RAB3GAP2: variants seen among roughly 807,000 people sequenced by gnomAD.
RAB3GAP2 encodes RAB3 GTPase activating non-catalytic protein subunit 2.
RAB3GAP2 carries 87 observed loss-of-function variants against 185.3 expected under a neutral mutation model. The observed-to-expected ratio is 0.47, with a 90% confidence interval of 0.39 to 0.56. The LOEUF (loss-of-function observed/expected upper bound fraction) is 0.56. Among genes scored for constraint, RAB3GAP2 ranks in the 20% least tolerant of loss-of-function variants. The pLI, the probability that RAB3GAP2 is intolerant of heterozygous loss-of-function variation, is 0.00. For synonymous variants in RAB3GAP2, 554 were observed against 576.1 expected (o/e 0.96, Z 0.55); for missense variants, 1,492 against 1,638.2 (o/e 0.91, Z 1.54).
chr1:220,180,117 G>A (rs1393802118), intron 21 of RAB3GAP2, among the ~76,000 whole-genome samples: 2 of 151,814 alleles, frequency 1.3e-5, no homozygotes, highest in Non-Finnish European at 1.5e-5. Flanking sequence ...AGCCGAGATC[G>A]CACCACTGCA....
In RAB3GAP2 at chr1:220,151,399, T is replaced by C. The variant is rs548997075; in HGVS notation, c.4034A>G (p.Gln1345Arg). 6.2e-7 allele frequency: 1 copy of C among 1,614,182 alleles called. No homozygotes were observed. The highest frequency in any genetic ancestry group is 1.3e-5 in the African/African-American group (1 of 75,058). Reference protein sequence around the residue: ...LCTWLKAMDPQDLQNTEVPIA... With the variant: ...LCTWLKAMDPRDLQNTEVPIA... ...TGGCACTTCAGTGTTTTGAAGGTCCTGGGGGTCCTGCAAATGGGACACAAA... is the reference window on the plus strand; with the variant it reads ...TGGCACTTCAGTGTTTTGAAGGTCCCGGGGGTCCTGCAAATGGGACACAAA... Residue 1345 changes from glutamine (Q) to arginine (R), a missense_variant, in exon 35 of 35, where the codon CAG becomes CGG. Gln to Arg is a conservative substitution (Grantham distance 43, BLOSUM62 1). This residue lies in a region of RAB3GAP2 where 387 missense variants were observed against 455.3 expected (regional missense o/e 0.85). Transcript: ENST00000358951.
At position 220,171,177 on chromosome 1, in the gene RAB3GAP2, G is replaced by C. The variant is rs768807251; in HGVS notation, c.2578-57C>G. ...AAAGATTCTGAATCAATATTAACTT[G>C]AATGAGCTTTTAACTTGAAAGCTGA... On this transcript the variant is annotated intron_variant, in intron 23 of 34. Transcript: ENST00000358951. 8 of 1,483,840 alleles carry C rather than the reference G, an allele frequency of 5.4e-6. No homozygotes were observed. The Admixed American group carries it at 6.8e-5, about 13-fold the overall frequency. 91.9% of individuals were successfully genotyped at this position (1,483,840 alleles called of 1,614,324 possible).
At chr1:220,164,585 G>T in intron 27 of RAB3GAP2, 148 bp downstream of exon 27, 1 of 1,108,950 alleles carries the variant, frequency 9.0e-7, no homozygotes, top group Non-Finnish European at 1.3e-6. Context: ...AGAGACCCTT[G>T]CACCTCAGCC....
Position 220,182,369 on chromosome 1 carries a change from A to G in RAB3GAP2, c.2213-15T>C, listed in dbSNP as rs1418335388. ...AAAGAAACTACCTGGTAGAAGAAAA[A>G]CAAAGCACATTAATCAATGACTACT... On this transcript the variant is annotated splice_polypyrimidine_tract_variant and intron_variant, in intron 20 of 34. Coordinates refer to ENST00000358951, the MANE Select transcript of RAB3GAP2 (RefSeq NM_012414.4). The G allele has an allele frequency of 6.2e-7, 1 of 1,613,894 alleles. No individual in the cohort carries two copies. The highest frequency in any genetic ancestry group is 1.1e-5 in the South Asian group (1 of 91,062).
Position 220,191,059 on chromosome 1 carries a change from G to A in RAB3GAP2, c.1487+9C>T. On this transcript the variant is annotated intron_variant, in intron 14 of 34. Transcript: ENST00000358951. ...TGTAACCAGCACAATGCCAGCATTT[G>A]CAGCTTACCTGCAGTGCTTCCCCAC... The A allele has an allele frequency of 1.2e-6, 2 of 1,608,276 alleles. No homozygotes were observed. The highest frequency in any genetic ancestry group is 8.5e-7 in the Non-Finnish European group (1 of 1,175,316).
Position 220,153,915 on chromosome 1 carries a change from CTTATG to C in RAB3GAP2, c.3645+48_3645+52del, listed in dbSNP as rs1657809211. ...TTTCAAAAGCCAGCTAGATTTTTCC[CTTATG>C]TTTTTTTTTCCAAGAAACAAAAACA... is the stretch of plus-strand genomic sequence containing the variant. On this transcript the variant is annotated intron_variant, in intron 32 of 34. Transcript: ENST00000358951. The C allele has an allele frequency of 1.9e-6, 3 of 1,606,366 alleles. No individual in the cohort carries two copies. The Admixed American group carries it at 5.0e-5, about 27-fold the overall frequency.
intron 14 of RAB3GAP2, 110 bp from the exon 15 acceptor site, chr1:220,190,630 T>C (rs1658598264): frequency 8.8e-7 from 1 of 1,136,454 alleles, no homozygotes; most frequent in Admixed American, 1.9e-5. Flanking sequence ...TTAGGAGCAT[T>C]AATAAGGCAA....
At chr1:220,157,168 CCA>C in intron 31 of RAB3GAP2, 100 bp downstream of exon 31, 4 of 1,012,502 alleles carry the variant, frequency 4.0e-6, no homozygotes, top group Non-Finnish European at 6.1e-6. Flanking sequence ...CCAAATTATA[CCA>C]GTCACAAAAG....
intron 9 of RAB3GAP2, chr1:220,200,786 G>A: frequency 2.7e-6 from 1 of 371,610 alleles, no homozygotes; most frequent in Non-Finnish European, 5.5e-6. Context: ...TAGAAAGATG[G>A]CCTGTGTGTC....
At chr1:220,247,506 G>A (rs1269318841) in intron 1 of RAB3GAP2, among the ~76,000 whole-genome samples, 6 of 152,134 alleles carry the variant, frequency 3.9e-5, no homozygotes, top group East Asian at 1.9e-4. Context: ...CTCAGGAATG[G>A]AAAAGCAAAA....
At position 220,182,313 on chromosome 1, in the gene RAB3GAP2, T is replaced by A. The variant is rs772369246; in HGVS notation, c.2254A>T (p.Thr752Ser). The change falls in exon 21 of 35, where the codon ACT becomes TCT. Residue 752 changes from threonine to serine, a missense_variant. Around this residue, in one of 5 missense-constraint regions of RAB3GAP2, gnomAD observed 681 missense variants for 689.1 expected, o/e 0.99. Transcript: ENST00000358951. ...TCCAAAGTGTGACACATATCCTCAG[T>A]GGAGCTTTCTCCATGCAAACACTTC... ...FWKCLHGESS[T>S]EDMCHTLESA... 1.2e-6 allele frequency: 2 copies of A among 1,614,056 alleles called. No homozygotes were observed. The highest frequency in any genetic ancestry group is 4.5e-5 in the East Asian group (2 of 44,858).
At chr1:220,264,750 T>C (rs1212822691) in intron 1 of RAB3GAP2, among the ~76,000 whole-genome samples, 2 of 152,116 alleles carry the variant, frequency 1.3e-5, no homozygotes, top group East Asian at 3.9e-4. Context: ...TGGACATCTT[T>C]AAACTATTAA....
rs561563425 is a variant in RAB3GAP2 at position 220,254,259 on chromosome 1, T to C, written c.115+17964A>G. On this transcript the variant is annotated intron_variant, in intron 1 of 34. Transcript: ENST00000358951. ...AAGAATACTTCAACGTAATGTTGGGTACCCAGCTACTCTATAAATTTGAGA... is the reference window on the plus strand; with the variant it reads ...AAGAATACTTCAACGTAATGTTGGGCACCCAGCTACTCTATAAATTTGAGA... 5 of 1,613,530 alleles carry C rather than the reference T, an allele frequency of 3.1e-6. No homozygotes were observed. In the South Asian group the frequency reaches 4.4e-5, roughly 14 times the overall value.
At chr1:220,171,768 G>T in intron 23 of RAB3GAP2, 121 bp downstream of exon 23, 1 of 1,059,826 alleles carries the variant, frequency 9.4e-7, no homozygotes, top group Non-Finnish European at 1.4e-6. Context: ...AAGAAATTAA[G>T]GGGAGCACCT....
chr1:220,193,106 C>A, intron 13 of RAB3GAP2, 134 bp downstream of exon 13: 1 of 1,104,862 alleles, frequency 9.1e-7, no homozygotes, highest in African/African-American at 1.5e-5. Flanking sequence ...GATCTGAGTT[C>A]ATGTCAAAAA....
chr1:220,267,744 G>C lies in RAB3GAP2; in HGVS notation c.115+4479C>G, dbSNP rs1660255075. On this transcript the variant is annotated intron_variant, in intron 1 of 34. Transcript: ENST00000358951. ...GGAGACAAGCTTTTGTGCTTGCAAA[G>C]GAACACGCTGCGAAGAATTTGAAGG... 14 of 1,555,974 alleles carry C rather than the reference G, an allele frequency of 9.0e-6. No individual in the cohort carries two copies. The South Asian group carries it at 1.6e-4, about 17-fold the overall frequency.
chr1:220,249,696 T>C (rs144577261), intron 1 of RAB3GAP2, among the ~76,000 whole-genome samples: 27 of 152,040 alleles, frequency 1.8e-4, no homozygotes, highest in African/African-American at 6.0e-4. Context: ...TAGGAGGAAA[T>C]AATGGTTTTG....
At chr1:220,253,812 G>A (rs1659983499) in intron 1 of RAB3GAP2, 1 of 1,612,134 alleles carries the variant, frequency 6.2e-7, no homozygotes, top group African/African-American at 1.3e-5. Context: ...AAGCCAATCA[G>A]GAGCAGTATG....
intron 28 of RAB3GAP2, among the ~76,000 whole-genome samples, chr1:220,161,517 T>C (rs1271580469): frequency 6.6e-6 from 1 of 152,172 alleles, no homozygotes; most frequent in Non-Finnish European, 1.5e-5. Flanking sequence ...TTGAGTTCTA[T>C]GCTTATATGT....
Sources: allele counts gnomAD v4.1 joint callset (sites outside exome capture counted in the v4.1 genomes callset), GRCh38; gene constraint gnomAD v4.1.1; regional missense constraint gnomAD v4.1.1; transcripts MANE v1.5; gene names NCBI Gene and HGNC (gene_info 2026-07-23, HGNC 2026-07-21).